Variants in BBS9 observed in about 807,000 individuals in gnomAD.
BBS9 encodes the protein Bardet-Biedl syndrome 9, also known as protein PTHB1.
BBS9 carries 89 observed loss-of-function variants against 117.7 expected under a neutral mutation model. The observed-to-expected ratio is 0.76, with a 90% confidence interval of 0.64 to 0.90. BBS9 has a LOEUF of 0.90. BBS9 is among the 40% of genes least tolerant of loss of function. The pLI is 0.00. For missense variants in BBS9, 982 were observed against 1,042.2 expected (o/e 0.94, Z 0.80); for synonymous variants, 379 against 370.9 (o/e 1.02, Z -0.25).
chr7:33,580,566 C>T (rs557325212), intron 21 of BBS9, among the ~76,000 whole-genome samples: 1 of 152,136 alleles, frequency 6.6e-6, no homozygotes, highest in Admixed American at 6.5e-5. Context: ...TGATGACTAC[C>T]CATATGCTGC....
chr7:33,505,318 CTT>C, intron 19 of BBS9, 143 bp from the exon 20 acceptor site: 1 of 846,588 alleles, frequency 1.2e-6, no homozygotes, highest in African/African-American at 1.7e-5. Flanking sequence ...AATGATAACT[CTT>C]TTATTACTTA....
At position 33,340,918 on chromosome 7, in the gene BBS9, G is replaced by A; in HGVS notation, c.1220G>A (p.Arg407Lys). The part of the protein sequence containing the change: ...KSQGVWPMTE[R>K]EDDLNVSVVV... Reference sequence around the variant, plus strand: ...ACAGGTGTTTGGCCCATGACTGAGAGAGAAGATGACTTGAACGTTTCTGTC... The same window carrying A: ...ACAGGTGTTTGGCCCATGACTGAGAAAGAAGATGACTTGAACGTTTCTGTC... The change falls in exon 11 of 23, where the codon AGA becomes AAA. Residue 407 changes from arginine (R) to lysine (K), a missense_variant. Transcript: ENST00000242067. 6.2e-7 allele frequency: 1 copy of A among 1,613,206 alleles called. No homozygotes were observed. Among genetic ancestry groups the A allele is most frequent in the Non-Finnish European group, 8.5e-7 (1 of 1,179,396 alleles).
intron 9 of BBS9, among the ~76,000 whole-genome samples, chr7:33,311,591 C>T (rs185066406): frequency 8.5e-4 from 129 of 152,176 alleles, no homozygotes; most frequent in Non-Finnish European, 3.7e-4. Flanking sequence ...CCGAGGCAGG[C>T]AGATCACTTG....
At chr7:33,427,989 T>G (rs997660882) in intron 19 of BBS9, among the ~76,000 whole-genome samples, 2 of 152,172 alleles carry the variant, frequency 1.3e-5, no homozygotes, top group Admixed American at 6.5e-5. Context: ...CACGTATGTA[T>G]GTATGACTTC....
rs375742698 is a variant in BBS9, at chr7:33,243,703, A to G, written c.443-13533A>G. ...ATAGTTGTTCCCAAGTTCCTTAAAA[A>G]TGGTTAATGCTGAGTTGTAACAGAG... On this transcript the variant is annotated intron_variant, in intron 5 of 22. Transcript: ENST00000242067. Among the ~76,000 whole-genome samples, 23 of 152,296 alleles carry G rather than the reference A, an allele frequency of 1.5e-4. No homozygotes were observed. The East Asian group carries it at 1.9e-3, about 13-fold the overall frequency.
chr7:33,171,686 TACAG>T (rs768210825), intron 4 of BBS9, among the ~76,000 whole-genome samples: 37 of 152,194 alleles, frequency 2.4e-4, no homozygotes, highest in Non-Finnish European at 4.1e-4. Flanking sequence ...CATCAACGTA[TACAG>T]ACAAACTCAT....
chr7:33,616,493 GTA>G (rs66529823), intron 21 of BBS9, among the ~76,000 whole-genome samples: 7,211 of 136,056 alleles, frequency 0.053, 463 homozygotes, highest in African/African-American at 0.15. Context: ...GTGTGTGTGT[GTA>G]TATATATATA....
At chr7:33,143,879 C>CTTTTTTTTTTTTTTT (rs1170486543) in intron 1 of BBS9, among the ~76,000 whole-genome samples, 1 of 150,926 alleles carries the variant, frequency 6.6e-6, no homozygotes, top group Non-Finnish European at 1.5e-5. Context: ...TGTGTATCTT[C>CTTTTTTTTTTTTTTT]TTTGGAGATG....
chr7:33,514,019 C>T (rs1847361841), intron 20 of BBS9, among the ~76,000 whole-genome samples: 1 of 152,148 alleles, frequency 6.6e-6, no homozygotes, highest in South Asian at 2.1e-4. Context: ...CATTTGGTAC[C>T]ATAATGTTTA....
At chr7:33,141,984 G>A (rs140510607) in intron 1 of BBS9, among the ~76,000 whole-genome samples, 4 of 151,210 alleles carry the variant, frequency 2.6e-5, no homozygotes, top group East Asian at 1.9e-4. Context: ...TGCCCAGGCC[G>A]GACTGCAGTG....
intron 19 of BBS9, among the ~76,000 whole-genome samples, chr7:33,412,800 C>A (rs1831368788): frequency 6.6e-6 from 1 of 152,106 alleles, no homozygotes; most frequent in African/African-American, 2.4e-5. Context: ...GTATACAGTT[C>A]TTTTTAAAGC....
At chr7:33,484,799 A>G (rs1282230021) in intron 19 of BBS9, among the ~76,000 whole-genome samples, 1 of 152,232 alleles carries the variant, frequency 6.6e-6, no homozygotes, top group South Asian at 2.1e-4. Flanking sequence ...CTGGGTATAT[A>G]CCCAAAGGAA....
rs763241994 is a variant in BBS9 at position 33,573,648 on chromosome 7, ATAAT to A, written c.2522-31211_2522-31208del. 5.9e-5 allele frequency among the ~76,000 whole-genome samples: 9 copies of A among 152,296 alleles called. No individual in the cohort carries two copies. The South Asian group carries it at 1.2e-3, about 21-fold the overall frequency. On this transcript the variant is annotated intron_variant, in intron 21 of 22. Transcript: ENST00000242067. ...TATTTTCATTTTATTAAAGGTATTGATAATTAATTTTAAGACTTCATCTTAGCTA... is the reference window on the plus strand; with the variant it reads ...TATTTTCATTTTATTAAAGGTATTGATAATTTTAAGACTTCATCTTAGCTA...
At chr7:33,188,080 A>ATGTGTGTGTGTGTGTGTGTGTGTGTGTG (rs145485929) in intron 5 of BBS9, among the ~76,000 whole-genome samples, 3 of 73,104 alleles carry the variant, frequency 4.1e-5, no homozygotes, top group South Asian at 6.7e-4. Flanking sequence ...AGTTGAGTGA[A>ATGTGTGTGTGTGTGTGTGTGTGTGTGTG]TGTGTGTGTG....
intron 19 of BBS9, among the ~76,000 whole-genome samples, chr7:33,413,775 A>G (rs1831526277): frequency 6.6e-6 from 1 of 152,150 alleles, no homozygotes; most frequent in Non-Finnish European, 1.5e-5. Flanking sequence ...TAATCCCAGC[A>G]TTTTGGGAGG....
intron 20 of BBS9, among the ~76,000 whole-genome samples, chr7:33,532,707 C>T (rs1454278266): frequency 6.6e-6 from 1 of 152,128 alleles, no homozygotes; most frequent in African/African-American, 2.4e-5. Context: ...CAAACCATAT[C>T]ATAGTTGAAG....
At chr7:33,158,578 A>G (rs1044102385) in intron 4 of BBS9, among the ~76,000 whole-genome samples, 1 of 152,160 alleles carries the variant, frequency 6.6e-6, no homozygotes, top group African/African-American at 2.4e-5. Context: ...CTATTACCTG[A>G]CATTTAAGAT....
intron 19 of BBS9, among the ~76,000 whole-genome samples, chr7:33,401,993 C>A (rs1828996790): frequency 6.6e-6 from 1 of 152,068 alleles, no homozygotes; most frequent in East Asian, 1.9e-4. Context: ...TTAAATAAAA[C>A]CTCTCTGATG....
intron 11 of BBS9, among the ~76,000 whole-genome samples, chr7:33,343,465 A>T (rs1348740179): frequency 6.6e-6 from 1 of 152,048 alleles, no homozygotes; most frequent in Non-Finnish European, 1.5e-5. Flanking sequence ...GTTAAAAAAA[A>T]GTTTCCCTTC....
Sources: allele counts gnomAD v4.1 joint callset (sites outside exome capture counted in the v4.1 genomes callset), GRCh38; gene constraint gnomAD v4.1.1; transcripts MANE v1.5; gene names NCBI Gene and HGNC (gene_info 2026-07-23, HGNC 2026-07-21).